Variants in MCCC2 observed in about 807,000 individuals in gnomAD.
MCCC2 encodes methylcrotonoyl-CoA carboxylase beta chain, mitochondrial.
Under a neutral mutation model 77.2 loss-of-function variants are expected in MCCC2, and 52 were observed. The observed-to-expected ratio is 0.67, with a 90% CI of 0.54 to 0.85. MCCC2 has a LOEUF of 0.85. Ranked by LOEUF, MCCC2 falls within the 40% of genes least tolerant of loss-of-function variation. The pLI, the probability that MCCC2 is intolerant of heterozygous loss-of-function variation, is 0.00. For synonymous variants in MCCC2, 253 were observed against 248.4 expected, an observed-to-expected ratio of 1.02 and a Z score of -0.18; for missense variants, 682 against 703.2, an observed-to-expected ratio of 0.97 and a Z score of 0.34.
In MCCC2 at chr5:71,599,146, T is replaced by C. The variant is rs118027799; in HGVS notation, c.282-513T>C. On this transcript the variant is annotated intron_variant, in intron 3 of 16. Coordinates refer to ENST00000340941, the MANE Select transcript of MCCC2 (RefSeq NM_022132.5). ...ACTTTGTGAGGCCGAGGTGGGCAGA[T>C]AACCTTCAGGTAAGGAGTTTGAGAC... is the stretch of plus-strand genomic sequence containing the variant. 9.5e-4 allele frequency among the ~76,000 whole-genome samples: 145 copies of C among 152,088 alleles called. No homozygotes were observed. The East Asian group carries it at 0.015, about 16-fold the overall frequency.
At chr5:71,649,386 C>G in intron 14 of MCCC2, 133 bp downstream of exon 14, 1 of 879,792 alleles carries the variant, frequency 1.1e-6, no homozygotes, top group South Asian at 1.6e-5. Context: ...TAATTTGTAT[C>G]ATTTGGAGGG....
At chr5:71,633,133 T>TTTATTTA (rs1746799603) in intron 8 of MCCC2, among the ~76,000 whole-genome samples, 3 of 113,020 alleles carry the variant, frequency 2.7e-5, no homozygotes, top group African/African-American at 1.3e-4. Flanking sequence ...ATATATATAT[T>TTTATTTA]TTTATTTTTT....
chr5:71,646,141 G>T (rs1747267512), intron 12 of MCCC2, 70 bp from the exon 13 acceptor site: 1 of 1,331,000 alleles, frequency 7.5e-7, no homozygotes, highest in Non-Finnish European at 1.1e-6. Flanking sequence ...AAGTTGTGGT[G>T]TTTGTAGAAT....
intron 6 of MCCC2, among the ~76,000 whole-genome samples, chr5:71,611,794 T>A (rs923272590): frequency 1.5e-4 from 22 of 142,822 alleles, no homozygotes; most frequent in Non-Finnish European, 2.9e-4. Context: ...TTTTTTTTTC[T>A]TTTTTTTTTT....
intron 2 of MCCC2, among the ~76,000 whole-genome samples, chr5:71,595,752 C>T (rs564214092): frequency 2.0e-5 from 3 of 152,318 alleles, no homozygotes; most frequent in Non-Finnish European, 4.4e-5. Context: ...TGAAGACAAT[C>T]TCTGAGTCAA....
chr5:71,637,068 AT>A (rs755236200), intron 10 of MCCC2, among the ~76,000 whole-genome samples: 8 of 152,206 alleles, frequency 5.3e-5, no homozygotes, highest in Non-Finnish European at 8.8e-5. Flanking sequence ...TTTAAAAAAA[AT>A]GTATTAAAGT....
At chr5:71,616,231 G>A (rs1431439285) in intron 6 of MCCC2, among the ~76,000 whole-genome samples, 1 of 152,214 alleles carries the variant, frequency 6.6e-6, no homozygotes, top group African/African-American at 2.4e-5. Flanking sequence ...GTAAATGTAA[G>A]TAAAGTGTTT....
chr5:71,646,215 C>T lies in MCCC2; in HGVS notation c.1154C>T (p.Thr385Ile), dbSNP rs1427630056. 8 of 1,613,430 alleles carry T rather than the reference C, an allele frequency of 5.0e-6. No individual in the cohort carries two copies. The highest frequency in any genetic ancestry group is 1.3e-5 in the African/African-American group (1 of 74,978). Residue 385 changes from threonine (T) to isoleucine (I), a missense_variant, in exon 13 of 17, where the codon ACT becomes ATT. Thr to Ile is a moderately conservative substitution (Grantham distance 89). Transcript: ENST00000340941. The part of the protein sequence containing the change: ...VLFSESAKKG[T>I]HFVQLCCQRN... ...TTTTATGTTATTTGCTTATAGGGTA[C>T]TCACTTTGTCCAGTTATGCTGCCAA...
At chr5:71,640,918 G>C in intron 10 of MCCC2, 85 bp from the exon 11 acceptor site, 1 of 1,189,120 alleles carries the variant, frequency 8.4e-7, no homozygotes, top group Non-Finnish European at 1.2e-6. Flanking sequence ...CAACTTCACT[G>C]TGAATTGTTT....
chr5:71,609,172 T>G (rs1275041138), intron 6 of MCCC2, among the ~76,000 whole-genome samples: 1 of 152,094 alleles, frequency 6.6e-6, no homozygotes. Flanking sequence ...TTTTCCAACT[T>G]GGTTCCATTC....
chr5:71,656,764 T>C lies in MCCC2; in HGVS notation c.1596T>C (p.Ile532=). Residue 532 remains isoleucine (I), a synonymous_variant, in exon 17 of 17, where the codon ATT becomes ATC. Transcript: ENST00000340941. ...SSARVWDDGI[I]DPADTRLVLG... ...TCAGGGTATGGGATGATGGGATCATTGATCCAGCAGACACCAGACTGGTCT... is the reference window on the plus strand; with the variant it reads ...TCAGGGTATGGGATGATGGGATCATCGATCCAGCAGACACCAGACTGGTCT... 6.2e-7 allele frequency: 1 copy of C among 1,614,086 alleles called. No homozygotes were observed. Among genetic ancestry groups the C allele is most frequent in the Non-Finnish European group, 8.5e-7 (1 of 1,179,954 alleles).
intron 6 of MCCC2, among the ~76,000 whole-genome samples, chr5:71,612,506 T>G (rs1196457520): frequency 6.6e-6 from 1 of 152,210 alleles, no homozygotes; most frequent in Non-Finnish European, 1.5e-5. Context: ...TATTGTGGTC[T>G]CCATTTAATC....
chr5:71,604,541 G>C (rs962161851), intron 6 of MCCC2, 73 bp downstream of exon 6: 13 of 1,161,820 alleles, frequency 1.1e-5, no homozygotes, highest in Middle Eastern at 4.1e-4. Context: ...GGTACTCTGG[G>C]ATGGCTTGAA....
chr5:71,632,782 C>T (rs985328452), intron 8 of MCCC2, among the ~76,000 whole-genome samples: 5 of 152,052 alleles, frequency 3.3e-5, no homozygotes, highest in African/African-American at 7.2e-5. Flanking sequence ...CACAGATGCA[C>T]GTAGTTGGCT....
Position 71,602,569 on chromosome 5 carries a change from T to A in MCCC2, c.447T>A (p.Thr149=), listed in dbSNP as rs755210095. The change falls in exon 5 of 17, where the codon ACT becomes ACA. Residue 149 remains threonine, a synonymous_variant. Transcript: ENST00000340941. ...AAGGAGGTGCCTACTACCCAGTGACTGTGAAAAAACAATTACGGGCCCAAG... is the reference window on the plus strand; with the variant it reads ...AAGGAGGTGCCTACTACCCAGTGACAGTGAAAAAACAATTACGGGCCCAAG... ...TVKGGAYYPV[T]VKKQLRAQEI... The A allele has an allele frequency of 6.2e-7, 1 of 1,614,170 alleles. No homozygotes were observed. Among genetic ancestry groups the A allele is most frequent in the Non-Finnish European group, 8.5e-7 (1 of 1,180,026 alleles).
intron 6 of MCCC2, among the ~76,000 whole-genome samples, chr5:71,610,349 C>T (rs890633723): frequency 6.6e-6 from 1 of 152,194 alleles, no homozygotes; most frequent in Admixed American, 6.5e-5. Flanking sequence ...GTCCGTCACC[C>T]CTTTCTTTGA....
At chr5:71,598,943 A>C (rs1160567017) in intron 3 of MCCC2, among the ~76,000 whole-genome samples, 1 of 149,912 alleles carries the variant, frequency 6.7e-6, no homozygotes, top group African/African-American at 2.5e-5. Flanking sequence ...TTTTTTTGTA[A>C]AGATGGGGTT....
intron 6 of MCCC2, 43 bp from the exon 7 acceptor site, chr5:71,626,597 C>A: frequency 6.8e-7 from 1 of 1,464,230 alleles, no homozygotes; most frequent in Non-Finnish European, 9.6e-7. Flanking sequence ...GAAGTCACTG[C>A]ATGAGCTGCA....
chr5:71,592,886 C>A, intron 1 of MCCC2, 40 bp from the exon 2 acceptor site: 5 of 1,169,904 alleles, frequency 4.3e-6, no homozygotes, highest in Non-Finnish European at 4.9e-6. Flanking sequence ...GAATTGCTTT[C>A]TAATATTTCT....
Sources: gnomAD v4.1 joint callset for allele counts (sites outside exome capture counted in the v4.1 genomes callset) on GRCh38, gnomAD v4.1.1 for gene constraint, MANE v1.5 for transcripts, NCBI Gene and HGNC (gene_info 2026-07-23, HGNC 2026-07-21) for gene names.